Variants in SIK3 observed in about 807,000 individuals in gnomAD.
SIK3 encodes the protein SIK family kinase 3.
SIK3 carries 28 observed loss-of-function variants against 144.2 expected under a neutral mutation model. The observed-to-expected ratio is 0.19, with a 90% CI of 0.14 to 0.27. The LOEUF (loss-of-function observed/expected upper bound fraction) is 0.27. SIK3 is among the 10% of genes least tolerant of loss of function. The pLI is 1.00. For synonymous variants in SIK3, 686 were observed against 676.3 expected (o/e 1.01, Z -0.22); for missense variants, 1,319 against 1,776.0 (o/e 0.74, Z 4.62).
intron 1 of SIK3, among the ~76,000 whole-genome samples, chr11:117,008,562 C>T (rs1591526046): frequency 6.6e-6 from 1 of 152,114 alleles, no homozygotes; most frequent in African/African-American, 2.4e-5. Context: ...ACACAGGGTA[C>T]TATATGTATA....
At chr11:116,933,013 T>C (rs931427839) in intron 3 of SIK3, among the ~76,000 whole-genome samples, 1 of 152,154 alleles carries the variant, frequency 6.6e-6, no homozygotes, top group Non-Finnish European at 1.5e-5. Context: ...TCAAGTGATA[T>C]TCCTGCCTAG....
At chr11:116,892,542 G>A (rs1321416713) in intron 6 of SIK3, among the ~76,000 whole-genome samples, 1 of 152,098 alleles carries the variant, frequency 6.6e-6, no homozygotes, top group Non-Finnish European at 1.5e-5. Context: ...TATTAGAGTG[G>A]CCAAAATCCA....
chr11:116,928,633 TGTGGC>T (rs1947419301), intron 3 of SIK3, among the ~76,000 whole-genome samples: 1 of 152,144 alleles, frequency 6.6e-6, no homozygotes, highest in Non-Finnish European at 1.5e-5. Context: ...ACTGAGCGCT[TGTGGC>T]AAGAAATGGT....
In SIK3 at chr11:116,896,362, G is replaced by A. The variant is rs780027344; in HGVS notation, c.756C>T (p.Val252=). Reference sequence around the variant, plus strand: ...GGGCACCGCACACAAGCACGTAGAGGACAACTCCAAGGCTCTGCATCCCAA... The same window carrying A: ...GGGCACCGCACACAAGCACGTAGAGAACAACTCCAAGGCTCTGCATCCCAA... The part of the protein sequence containing the change: ...PKVDIWSLGV[V]LYVLVCGALP... Residue 252 remains valine, a synonymous_variant, in exon 6 of 25, where the codon GTC becomes GTT. Transcript: ENST00000445177. 6.2e-7 allele frequency: 1 copy of A among 1,613,898 alleles called. No individual in the cohort carries two copies. The highest frequency in any genetic ancestry group is 1.7e-5 in the Admixed American group (1 of 60,016).
chr11:117,072,330 G>T (rs909879712), intron 1 of SIK3, among the ~76,000 whole-genome samples: 2 of 152,116 alleles, frequency 1.3e-5, no homozygotes, highest in African/African-American at 4.8e-5. Flanking sequence ...AGAAATTGCA[G>T]TGAGCCCAGA....
At chr11:117,065,199 C>G (rs1953956370) in intron 1 of SIK3, among the ~76,000 whole-genome samples, 1 of 151,102 alleles carries the variant, frequency 6.6e-6, no homozygotes, top group South Asian at 2.1e-4. Flanking sequence ...ATAATTTCGT[C>G]TCTAGTGATT....
intron 4 of SIK3, among the ~76,000 whole-genome samples, chr11:116,922,905 CTCTTTTTTTTTT>C (rs1189139003): frequency 5.1e-5 from 6 of 118,692 alleles, no homozygotes; most frequent in East Asian, 2.4e-4. Context: ...CTTTTCTTTT[CTCTTTTTTTTTT>C]TTTTTTTTTT....
intron 9 of SIK3, 74 bp downstream of exon 9, chr11:116,875,792 T>A (rs1242939855): frequency 6.7e-6 from 10 of 1,493,530 alleles, no homozygotes; most frequent in Non-Finnish European, 8.0e-6. Flanking sequence ...CGACTTAGGG[T>A]TAGTGAGCAA....
chr11:117,023,414 ATTTT>A (rs59626113), intron 1 of SIK3, among the ~76,000 whole-genome samples: 30 of 138,668 alleles, frequency 2.2e-4, no homozygotes, highest in Admixed American at 5.1e-4. Context: ...ACACCTGATG[ATTTT>A]TTTTTTTTTT....
At chr11:117,071,782 A>ATTTTTTTTTTTTTTTTTTTTTTTTTAT in intron 1 of SIK3, among the ~76,000 whole-genome samples, 1 of 105,644 alleles carries the variant, frequency 9.5e-6, no homozygotes, top group Non-Finnish European at 1.8e-5. Flanking sequence ...TGCTTGGTTA[A>ATTTTTTTTTTTTTTTTTTTTTTTTTAT]TTTTTTTTTT....
intron 1 of SIK3, among the ~76,000 whole-genome samples, chr11:117,002,594 C>T (rs939224373): frequency 2.0e-5 from 3 of 151,982 alleles, no homozygotes; most frequent in Admixed American, 6.6e-5. Context: ...ACACAATAAG[C>T]CTGCATCTTA....
At chr11:117,014,376 A>G (rs1951431227) in intron 1 of SIK3, among the ~76,000 whole-genome samples, 1 of 152,174 alleles carries the variant, frequency 6.6e-6, no homozygotes, top group South Asian at 2.1e-4. Context: ...TGAAAGGCAA[A>G]GCAATAAAAC....
At position 116,875,233 on chromosome 11, in the gene SIK3, C is replaced by A; in HGVS notation, c.1352G>T (p.Gly451Val). Residue 451 changes from glycine to valine, a missense_variant, in exon 11 of 25, where the codon GGT becomes GTT. Gly to Val is a moderately radical substitution (Grantham distance 109). Transcript: ENST00000445177. ...CAATGCTTCAGGGGAAGGCTCTTCACCCTCATCACTGTCCAAATTCAGTGT... is the reference window on the plus strand; with the variant it reads ...CAATGCTTCAGGGGAAGGCTCTTCAACCTCATCACTGTCCAAATTCAGTGT... ...DGTLNLDSDE[G>V]EEPSPEALVR... The A allele has an allele frequency of 2.5e-6, 4 of 1,614,058 alleles. No homozygotes were observed. The highest frequency in any genetic ancestry group is 2.2e-5 in the East Asian group (1 of 44,892).
rs1371493528 is a variant in SIK3, at chr11:116,863,726, G to A, written c.2045C>T (p.Ala682Val). The A allele has an allele frequency of 2.5e-6, 4 of 1,614,030 alleles. No homozygotes were observed. The African/African-American group carries it at 4.0e-5, about 16-fold the overall frequency. ...RFSDGAASIQ[A>V]FKAHLEKMGN... ...CATTTTTTCCAGGTGAGCTTTGAAG[G>A]CCTGGATGCTCGCAGCCCCATCTGA... The change falls in exon 16 of 25, where the codon GCC becomes GTC. Residue 682 changes from alanine to valine, a missense_variant. Ala to Val is a moderately conservative substitution (Grantham distance 64). Around this residue, in one of 8 missense-constraint regions of SIK3, gnomAD observed 77 missense variants for 141.9 expected, o/e 0.54. Transcript: ENST00000445177.
intron 1 of SIK3, among the ~76,000 whole-genome samples, chr11:116,964,021 T>C (rs1348055615): frequency 1.3e-5 from 2 of 152,136 alleles, no homozygotes; most frequent in African/African-American, 4.8e-5. Flanking sequence ...GCCACATTCT[T>C]GGGAAGATCC....
chr11:116,971,333 C>A (rs1488310362), intron 1 of SIK3, among the ~76,000 whole-genome samples: 1 of 152,068 alleles, frequency 6.6e-6, no homozygotes, highest in African/African-American at 2.4e-5. Context: ...ACCAAGAATC[C>A]GAGTCTAAGA....
intron 1 of SIK3, among the ~76,000 whole-genome samples, chr11:117,062,131 C>T (rs1953822181): frequency 6.6e-6 from 1 of 151,914 alleles, no homozygotes; most frequent in Admixed American, 6.6e-5. Context: ...TCAAGACCAG[C>T]CTGGCCAACA....
rs1030090132 is a variant in SIK3 at position 116,863,520 on chromosome 11, C to T, written c.2103+148G>A. 25 of 1,193,316 alleles carry T rather than the reference C, an allele frequency of 2.1e-5. No individual in the cohort carries two copies. The African/African-American group carries it at 2.4e-4, about 12-fold the overall frequency. The allele number at this position is 1,193,316 out of a possible 1,614,324, so 73.9% of individuals were successfully genotyped here. A position where few individuals can be genotyped will look rare whatever the true frequency, so the allele number is the denominator to read the frequency against. On this transcript the variant is annotated intron_variant, in intron 16 of 24. Transcript: ENST00000445177. ...CTGGGATTATAGGCGGGATCCACTGCGCCCGGCCCAGAAAGCTATACTTTT... is the reference window on the plus strand; with the variant it reads ...CTGGGATTATAGGCGGGATCCACTGTGCCCGGCCCAGAAAGCTATACTTTT...
intron 3 of SIK3, among the ~76,000 whole-genome samples, chr11:116,940,406 T>G (rs1222355059): frequency 6.6e-6 from 1 of 151,932 alleles, no homozygotes; most frequent in Non-Finnish European, 1.5e-5. Context: ...ATTTTTGTAT[T>G]TTTTAGTAAA....
Sources: gnomAD v4.1 joint callset for allele counts (sites outside exome capture counted in the v4.1 genomes callset) on GRCh38, gnomAD v4.1.1 for gene constraint, gnomAD v4.1.1 regional missense constraint, MANE v1.5 for transcripts, NCBI Gene and HGNC (gene_info 2026-07-23, HGNC 2026-07-21) for gene names.